The following JAG2 variants were observed in gnomAD, a reference collection of about 807,000 sequenced individuals.
The protein encoded by JAG2 is protein jagged-2.
JAG2 carries 46 observed loss-of-function variants against 141.7 expected under a neutral mutation model. That is an observed-to-expected ratio of 0.32 (90% CI 0.26 to 0.42). The LOEUF (loss-of-function observed/expected upper bound fraction) is 0.42. Ranked by LOEUF, JAG2 falls within the 10% of genes least tolerant of loss-of-function variation. The pLI, the probability that JAG2 is intolerant of heterozygous loss-of-function variation, is 1.00. For synonymous variants in JAG2, 862 were observed against 763.5 expected, an observed-to-expected ratio of 1.13 and a Z score of -2.13; for missense variants, 1,500 against 1,817.5, an observed-to-expected ratio of 0.83 and a Z score of 3.18.
At chr14:105,147,297 C>T in intron 20 of JAG2, 29 bp downstream of exon 20, 2 of 1,542,590 alleles carry the variant, frequency 1.3e-6, no homozygotes, top group Non-Finnish European at 8.8e-7. Flanking sequence ...CTGAGGGGCT[C>T]CCAGGGCTGG....
rs371778702 is a variant in JAG2 at position 105,144,054 on chromosome 14, C to T, written c.3085-416G>A. 2.6e-5 allele frequency among the ~76,000 whole-genome samples: 4 copies of T among 151,344 alleles called. No homozygotes were observed. In the South Asian group the frequency reaches 6.3e-4, roughly 24 times the overall value. ...CCCCGTCCGGGCACACAGGAGAGCCCGGGGTCCTGCGGTGGGGACCTCGCC... is the reference window on the plus strand; with the variant it reads ...CCCCGTCCGGGCACACAGGAGAGCCTGGGGTCCTGCGGTGGGGACCTCGCC... On this transcript the variant is annotated intron_variant, in intron 24 of 25. Transcript: ENST00000331782.
rs1017469794 is a variant in JAG2, at chr14:105,142,630, C to T, written c.*65G>A. 104 of 1,276,376 alleles carry T rather than the reference C, an allele frequency of 8.1e-5. No homozygotes were observed. Among genetic ancestry groups the T allele is most frequent in the South Asian group, 3.2e-4 (25 of 77,170 alleles). 79.1% of individuals were successfully genotyped at this position (1,276,376 alleles called of 1,614,324 possible). On this transcript the variant is annotated 3_prime_UTR_variant, in exon 26 of 26. Coordinates refer to ENST00000331782, the MANE Select transcript of JAG2 (RefSeq NM_002226.5). ...AAACTATGCACATGGCCTCGGCCTC[C>T]GGGTCCGGCAGACGGCATGGCTCCC...
chr14:105,164,470 G>C (rs1888851523), intron 2 of JAG2, among the ~76,000 whole-genome samples: 1 of 152,218 alleles, frequency 6.6e-6, no homozygotes, highest in South Asian at 2.1e-4. Flanking sequence ...AAGGAGGGGG[G>C]TGGTCCCCAG....
Position 105,151,992 on chromosome 14 carries a change from C to T in JAG2, c.985G>A (p.Asp329Asn). 2 of 1,613,372 alleles carry T rather than the reference C, an allele frequency of 1.2e-6. No homozygotes were observed. The highest frequency in any genetic ancestry group is 1.3e-5 in the African/African-American group (1 of 75,060). The change falls in exon 7 of 26, where the codon GAC becomes AAC. Residue 329 changes from aspartate (D) to asparagine (N), a missense_variant. Transcript: ENST00000331782. ...TCAGGGCAGGTGCAGCGGTACTGGT[C>T]AGGCTCGGCGTTGATGCACGTGCCT... The part of the protein sequence containing the change: ...NGGTCINAEP[D>N]QYRCTCPDGY...
rs587644511 is a variant in JAG2 at position 105,154,107 on chromosome 14, G to A, written c.788+1455C>T. On this transcript the variant is annotated intron_variant, in intron 5 of 25. Coordinates refer to ENST00000331782, the MANE Select transcript of JAG2 (RefSeq NM_002226.5). The surrounding 1 kb of genome is among the most constrained non-coding windows in gnomAD (Gnocchi z 4.4). ...ACTGTACCCTCCAGGCCACTCAACCGTGGGGCCTGTGGAAGGGTCACCCAC... is the reference window on the plus strand; with the variant it reads ...ACTGTACCCTCCAGGCCACTCAACCATGGGGCCTGTGGAAGGGTCACCCAC... Among the ~76,000 whole-genome samples the A allele has an allele frequency of 3.8e-4, 58 of 152,202 alleles. No homozygotes were observed. Among genetic ancestry groups the A allele is most frequent in the African/African-American group, 1.3e-3 (53 of 41,520 alleles).
chr14:105,168,234 C>T (rs993949961), intron 1 of JAG2, 121 bp downstream of exon 1: 1 of 846,308 alleles, frequency 1.2e-6, no homozygotes, highest in Non-Finnish European at 1.4e-6. Context: ...GAGCCCCAGC[C>T]GCCGCGCGCA....
intron 3 of JAG2, among the ~76,000 whole-genome samples, chr14:105,156,958 G>A (rs1002126630): frequency 1.3e-5 from 2 of 151,974 alleles, no homozygotes; most frequent in Non-Finnish European, 2.9e-5. Context: ...CCACTCTGCT[G>A]GCAGCCAGGA....
In JAG2 at chr14:105,154,640, T is replaced by G. The variant is rs1888527805; in HGVS notation, c.788+922A>C. Among the ~76,000 whole-genome samples the G allele has an allele frequency of 6.6e-6, 1 of 152,126 alleles. No homozygotes were observed. Among genetic ancestry groups the G allele is most frequent in the Non-Finnish European group, 1.5e-5 (1 of 67,994 alleles). ...GCCCTGACCTGTGGCAGCCGGGACT[T>G]GCTCCTTGGCCTCCCTCCTCTCTGC... On this transcript the variant is annotated intron_variant, in intron 5 of 25. Coordinates refer to ENST00000331782, the MANE Select transcript of JAG2 (RefSeq NM_002226.5). This position sits in a 1 kb window ranked among gnomAD's most constrained non-coding sequence, Gnocchi z 4.4.
Position 105,142,652 on chromosome 14 carries a change from TCCCA to T in JAG2, c.*39_*42del, listed in dbSNP as rs1352372906. 1.4e-6 allele frequency: 2 copies of T among 1,466,212 alleles called. No homozygotes were observed. The highest frequency in any genetic ancestry group is 2.5e-5 in the East Asian group (1 of 40,722). The allele number at this position is 1,466,212 out of a possible 1,614,324, so 90.8% of individuals were successfully genotyped here. ...CTCCGGGTCCGGCAGACGGCATGGC[TCCCA>T]CCGAGGGCCCTGGGTCCCGGCCCAG... On this transcript the variant is annotated 3_prime_UTR_variant, in exon 26 of 26. Coordinates refer to ENST00000331782, the MANE Select transcript of JAG2 (RefSeq NM_002226.5).
chr14:105,149,043 T>TGTGCCAGGC lies in JAG2; in HGVS notation c.1791_1799dup (p.Pro598_Thr600dup). ...GGGGGCCACACACGCCGGAGGCTGC[T>TGTGCCAGGC]GTGCCAGGCATCCCAGGCCCCGCGT... On this transcript the variant is annotated inframe_insertion, in exon 14 of 26. Coordinates refer to ENST00000331782, the MANE Select transcript of JAG2 (RefSeq NM_002226.5). The TGTGCCAGGC allele has an allele frequency of 6.2e-7, 1 of 1,608,648 alleles. No homozygotes were observed. Among genetic ancestry groups the TGTGCCAGGC allele is most frequent in the Non-Finnish European group, 8.5e-7 (1 of 1,178,358 alleles).
chr14:105,156,321 T>C (rs1437970049), intron 3 of JAG2, among the ~76,000 whole-genome samples: 1 of 151,782 alleles, frequency 6.6e-6, no homozygotes, highest in African/African-American at 2.4e-5. Context: ...GGCGTGAGTC[T>C]CACGTCCCAC....
At position 105,148,414 on chromosome 14, in the gene JAG2, G is replaced by A; in HGVS notation, c.2046C>T (p.Pro682=). The change falls in exon 16 of 26, where the codon CCC becomes CCT. Residue 682 remains proline (P), a synonymous_variant. Transcript: ENST00000331782. Reference sequence around the variant, plus strand: ...CGTAGCAGCGGCCGCGGCTGTGGCAGGGATCGGGAAGGCAGTCGTTGGGAT... The same window carrying A: ...CGTAGCAGCGGCCGCGGCTGTGGCAAGGATCGGGAAGGCAGTCGTTGGGAT... The part of the protein sequence containing the change: ...DTNPNDCLPD[P]CHSRGRCYDL... 2 of 1,612,028 alleles carry A rather than the reference G, an allele frequency of 1.2e-6. No individual in the cohort carries two copies. Among genetic ancestry groups the A allele is most frequent in the East Asian group, 2.2e-5 (1 of 44,862 alleles).
At chr14:105,146,291 G>T in intron 22 of JAG2, 94 bp downstream of exon 22, 1 of 1,141,468 alleles carries the variant, frequency 8.8e-7, no homozygotes, top group Non-Finnish European at 1.3e-6. Flanking sequence ...CAGTCCATCC[G>T]GACCCCAGCA....
rs764771154 is a variant in JAG2, at chr14:105,148,168, G to A, written c.2196C>T (p.Asp732=). ...SNGGTCYDSG[D]TFRCACPPGW... Reference sequence around the variant, plus strand: ...CGGGGGGGCAGGCGCAGCGGAAGGTGTCGCCGCTGTCGTAGCAGGTGCCAC... The same window carrying A: ...CGGGGGGGCAGGCGCAGCGGAAGGTATCGCCGCTGTCGTAGCAGGTGCCAC... The change falls in exon 17 of 26, where the codon GAC becomes GAT. Residue 732 remains aspartate, a synonymous_variant. Transcript: ENST00000331782. The A allele has an allele frequency of 2.8e-5, 43 of 1,551,378 alleles. No individual in the cohort carries two copies. The highest frequency in any genetic ancestry group is 3.7e-5 in the Non-Finnish European group (42 of 1,147,652).
chr14:105,156,496 GCCTCC>G (rs1888586980), intron 3 of JAG2, among the ~76,000 whole-genome samples: 1 of 152,048 alleles, frequency 6.6e-6, no homozygotes, highest in African/African-American at 2.4e-5. Context: ...CTTAAGACAA[GCCTCC>G]CCTCAGGCCC....
In JAG2 at chr14:105,146,377, G is replaced by A. The variant is rs762427889; in HGVS notation, c.2709+8C>T. On this transcript the variant is annotated splice_region_variant and intron_variant, in intron 22 of 25. Coordinates refer to ENST00000331782, the MANE Select transcript of JAG2 (RefSeq NM_002226.5). Reference sequence around the variant, plus strand: ...GGTAGGGCAGGGCGGCTCACGGGCTGCCCTCACCTTGCTGCAGTCACGGCG... The same window carrying A: ...GGTAGGGCAGGGCGGCTCACGGGCTACCCTCACCTTGCTGCAGTCACGGCG... The A allele has an allele frequency of 3.8e-5, 61 of 1,609,424 alleles. No individual in the cohort carries two copies. Among genetic ancestry groups the A allele is most frequent in the Non-Finnish European group, 4.9e-5 (58 of 1,177,206 alleles).
At chr14:105,157,861 C>G (rs773137899) in intron 2 of JAG2, 98 bp from the exon 3 acceptor site, 11 of 1,109,616 alleles carry the variant, frequency 9.9e-6, no homozygotes, top group Non-Finnish European at 1.5e-5. Context: ...GCCCCTGGGT[C>G]TGCCAGGCTC....
chr14:105,148,969 T>G lies in JAG2; in HGVS notation c.1874A>C (p.Asp625Ala), dbSNP rs1466040675. The G allele has an allele frequency of 6.2e-7, 1 of 1,607,566 alleles. No homozygotes were observed. Among genetic ancestry groups the G allele is most frequent in the African/African-American group, 1.3e-5 (1 of 74,820 alleles). Reference sequence around the variant, plus strand: ...GCAGTAGGTGCCAGTAAAGCCACTGTCACAGATGCAGGAAAAGTTGCCCCC... The same window carrying G: ...GCAGTAGGTGCCAGTAAAGCCACTGGCACAGATGCAGGAAAAGTTGCCCCC... The part of the protein sequence containing the change: ...QPGGNFSCIC[D>A]SGFTGTYCHE... Residue 625 changes from aspartate to alanine, a missense_variant, in exon 14 of 26, where the codon GAC becomes GCC. This residue lies in a region of JAG2 where 875 missense variants were observed against 1,202.2 expected (regional missense o/e 0.73). Transcript: ENST00000331782.
chr14:105,151,328 C>G lies in JAG2; in HGVS notation c.1222G>C (p.Glu408Gln). The G allele has an allele frequency of 6.2e-7, 1 of 1,612,734 alleles. No homozygotes were observed. Among genetic ancestry groups the G allele is most frequent in the Non-Finnish European group, 8.5e-7 (1 of 1,179,986 alleles). Reference sequence around the variant, plus strand: ...ACCCACTGCTCGGGGCAGATGCACTCAAAGCCGTCCACCTGGTCCACACAG... The same window carrying G: ...ACCCACTGCTCGGGGCAGATGCACTGAAAGCCGTCCACCTGGTCCACACAG... ...GTCVDQVDGF[E>Q]CICPEQWVGA... is the part of the protein sequence containing the mutation. Residue 408 changes from glutamate (E) to glutamine (Q), a missense_variant, in exon 9 of 26, where the codon GAG (glutamate) becomes CAG (glutamine). This residue lies in a region of JAG2 where 875 missense variants were observed against 1,202.2 expected (regional missense o/e 0.73). Transcript: ENST00000331782.
Sources: allele counts gnomAD v4.1 joint callset (sites outside exome capture counted in the v4.1 genomes callset), GRCh38; gene constraint gnomAD v4.1.1; regional missense constraint gnomAD v4.1.1; non-coding constraint Gnocchi (gnomAD v3.1); transcripts MANE v1.5; gene names NCBI Gene and HGNC (gene_info 2026-07-23, HGNC 2026-07-21).